NDST3: variants seen among roughly 807,000 people sequenced by gnomAD.
The protein encoded by NDST3 is N-deacetylase and N-sulfotransferase 3.
NDST3 carries 58 observed loss-of-function variants against 96.1 expected under a neutral mutation model. The ratio of observed to expected loss-of-function variants is 0.60; its 90% confidence interval spans 0.49 to 0.75. NDST3 has a LOEUF of 0.75. NDST3 is among the 30% of genes least tolerant of loss of function. NDST3 has a pLI of 0.00. For synonymous variants in NDST3, 333 were observed against 359.7 expected (o/e 0.93, Z 0.84); for missense variants, 788 against 1,034.2 (o/e 0.76, Z 3.27).
At chr4:118,150,173 G>A (rs1295500838) in intron 6 of NDST3, among the ~76,000 whole-genome samples, 4 of 151,840 alleles carry the variant, frequency 2.6e-5, no homozygotes, top group African/African-American at 9.7e-5. Flanking sequence ...TTTTATTGAG[G>A]ATTTTTGCAT....
chr4:118,038,007 A>T (rs1261609782), intron 1 of NDST3, among the ~76,000 whole-genome samples: 2 of 152,138 alleles, frequency 1.3e-5, no homozygotes, highest in Non-Finnish European at 2.9e-5. Flanking sequence ...ACCTGCCCTA[A>T]AACATAGCCA....
chr4:118,166,119 T>C (rs1241014658), intron 6 of NDST3, among the ~76,000 whole-genome samples: 2 of 151,446 alleles, frequency 1.3e-5, no homozygotes, highest in Admixed American at 6.6e-5. Context: ...AAAAAATCAA[T>C]GAAATTGGTT....
At chr4:118,100,895 GTAGA>G (rs760672405) in intron 2 of NDST3, among the ~76,000 whole-genome samples, 94 of 152,274 alleles carry the variant, frequency 6.2e-4, no homozygotes, top group Non-Finnish European at 1.2e-3. Flanking sequence ...ACGCGTGTGT[GTAGA>G]TAGACACATA....
chr4:118,198,605 G>A (rs1179457873), intron 6 of NDST3, among the ~76,000 whole-genome samples: 1 of 152,060 alleles, frequency 6.6e-6, no homozygotes, highest in Non-Finnish European at 1.5e-5. Context: ...CACATTTACA[G>A]TGCTATAATA....
chr4:118,169,111 T>G (rs1353402201), intron 6 of NDST3, among the ~76,000 whole-genome samples: 1 of 150,192 alleles, frequency 6.7e-6, no homozygotes, highest in African/African-American at 2.5e-5. Flanking sequence ...TGTTATATTG[T>G]TGTATTTTTT....
At chr4:118,093,725 A>T (rs1234872238) in intron 2 of NDST3, among the ~76,000 whole-genome samples, 1 of 151,890 alleles carries the variant, frequency 6.6e-6, no homozygotes, top group East Asian at 1.9e-4. Flanking sequence ...TGTAAAATAA[A>T]GTGACTTTTA....
chr4:118,136,027 CAT>C (rs2125896604), intron 4 of NDST3, among the ~76,000 whole-genome samples: 1 of 152,254 alleles, frequency 6.6e-6, no homozygotes, highest in Non-Finnish European at 1.5e-5. Context: ...CCTTTCATGC[CAT>C]GTGGGTTCTG....
intron 4 of NDST3, among the ~76,000 whole-genome samples, chr4:118,131,370 T>C (rs1438401930): frequency 6.6e-6 from 1 of 151,926 alleles, no homozygotes; most frequent in Admixed American, 6.6e-5. Context: ...TCAATTCTGC[T>C]ATTAAGTGAC....
chr4:118,113,193 G>T (rs1192703954), intron 3 of NDST3, among the ~76,000 whole-genome samples: 1 of 152,080 alleles, frequency 6.6e-6, no homozygotes, highest in Non-Finnish European at 1.5e-5. Context: ...GAGGTCATGT[G>T]ACTTGGCCAC....
chr4:118,203,484 A>T (rs1381775808), intron 6 of NDST3, among the ~76,000 whole-genome samples: 1 of 152,194 alleles, frequency 6.6e-6, no homozygotes, highest in Admixed American at 6.5e-5. Flanking sequence ...ATTCAATTTC[A>T]GAAGTCGATA....
Position 118,146,263 on chromosome 4 carries a change from A to C in NDST3, c.1539+2579A>C, listed in dbSNP as rs79053500. Among the ~76,000 whole-genome samples the C allele has an allele frequency of 5.7e-3, 868 of 152,338 alleles. 11 individuals are homozygous for C. Among genetic ancestry groups the C allele is most frequent in the African/African-American group, 0.02 (834 of 41,582 alleles). ...TTTGAAAGATAGCCATTGTAAGTTT[A>C]AGTAATACCCCAGGCCTCAATTAGA... On this transcript the variant is annotated intron_variant, in intron 6 of 13. Coordinates refer to ENST00000296499, the MANE Select transcript of NDST3 (RefSeq NM_004784.3).
At chr4:118,080,644 T>C (rs1348151889) in intron 2 of NDST3, among the ~76,000 whole-genome samples, 1 of 152,198 alleles carries the variant, frequency 6.6e-6, no homozygotes, top group Non-Finnish European at 1.5e-5. Flanking sequence ...CATCAGATTA[T>C]AGGTCCCTCA....
At chr4:118,069,375 A>G (rs1726858159) in intron 2 of NDST3, among the ~76,000 whole-genome samples, 1 of 152,070 alleles carries the variant, frequency 6.6e-6, no homozygotes, top group South Asian at 2.1e-4. Flanking sequence ...TGATTTTTTT[A>G]AATGTTAGCA....
chr4:118,196,687 A>T (rs539575085), intron 6 of NDST3, among the ~76,000 whole-genome samples: 3 of 152,046 alleles, frequency 2.0e-5, no homozygotes, highest in African/African-American at 7.2e-5. Flanking sequence ...ATTATCAGTT[A>T]TAATATCTCC....
chr4:118,162,623 A>G (rs1357818190), intron 6 of NDST3, among the ~76,000 whole-genome samples: 1 of 150,294 alleles, frequency 6.7e-6, no homozygotes, highest in Non-Finnish European at 1.5e-5. Flanking sequence ...AGACTTAAAC[A>G]TTAGACCTAA....
chr4:118,056,627 C>T (rs962918835), intron 2 of NDST3, among the ~76,000 whole-genome samples: 30 of 151,854 alleles, frequency 2.0e-4, no homozygotes, highest in African/African-American at 4.1e-4. Flanking sequence ...AGTTATTAAG[C>T]GTGTACTACA....
rs758619332 is a variant in NDST3, at chr4:118,105,053, A to G, written c.1017A>G (p.Gln339=). ...LLDTQNLLRA[Q]ITNFTFNLGF... ...ATACTCAGAATCTTTTGCGTGCACA[A>G]ATCACAAATTTTACATTCAACCTGG... The change falls in exon 3 of 14, where the codon CAA becomes CAG. Residue 339 remains glutamine, a synonymous_variant. Coordinates refer to ENST00000296499, the MANE Select transcript of NDST3 (RefSeq NM_004784.3). 1.9e-6 allele frequency: 3 copies of G among 1,613,540 alleles called. No homozygotes were observed. Among genetic ancestry groups the G allele is most frequent in the East Asian group, 4.5e-5 (2 of 44,770 alleles).
chr4:118,114,931 C>G lies in NDST3; in HGVS notation c.1195C>G (p.Gln399Glu), dbSNP rs1270985976. Reference protein sequence around the residue: ...LFHNESSLVEQMILNKKFALE... With the variant: ...LFHNESSLVEEMILNKKFALE... ...CCACAATGAGTCATCTTTGGTGGAG[C>G]AGATGATTCTCAACAAAAAATTTGC... The change falls in exon 4 of 14, where the codon CAG becomes GAG. Residue 399 changes from glutamine to glutamate, a missense_variant. Coordinates refer to ENST00000296499, the MANE Select transcript of NDST3 (RefSeq NM_004784.3). 6 of 1,613,928 alleles carry G rather than the reference C, an allele frequency of 3.7e-6. No homozygotes were observed. The highest frequency in any genetic ancestry group is 5.1e-6 in the Non-Finnish European group (6 of 1,179,974).
At chr4:118,202,869 G>T (rs1738187074) in intron 6 of NDST3, among the ~76,000 whole-genome samples, 1 of 152,150 alleles carries the variant, frequency 6.6e-6, no homozygotes, top group Non-Finnish European at 1.5e-5. Context: ...AGTGGTAAGA[G>T]TGTGCATCTT....
Sources: gnomAD v4.1 joint callset for allele counts (sites outside exome capture counted in the v4.1 genomes callset) on GRCh38, gnomAD v4.1.1 for gene constraint, MANE v1.5 for transcripts, NCBI Gene and HGNC (gene_info 2026-07-23, HGNC 2026-07-21) for gene names.